The following CSMD1 variants were observed in gnomAD, a reference collection of about 807,000 sequenced individuals.
CSMD1 encodes CUB and Sushi multiple domains 1.
Under a neutral mutation model 417.5 loss-of-function variants are expected in CSMD1, and 213 were observed. The observed-to-expected ratio is 0.51, with a 90% CI of 0.46 to 0.57. The LOEUF (loss-of-function observed/expected upper bound fraction) is 0.57, where lower values mean the gene tolerates loss of function less well. Among genes scored for constraint, CSMD1 ranks in the 20% least tolerant of loss-of-function variants. The probability of loss-of-function intolerance (pLI) is 0.00; values close to 1 mark genes in which losing one functional copy is unlikely to be tolerated. For missense variants in CSMD1, 6,923 were observed against 4,529.7 expected (o/e 1.53, Z -15.17); for synonymous variants, 2,862 against 1,736.8 (o/e 1.65, Z -16.11).
chr8:3,502,870 G>A (rs1170436412), intron 10 of CSMD1, among the ~76,000 whole-genome samples: 1 of 152,108 alleles, frequency 6.6e-6, no homozygotes, highest in African/African-American at 2.4e-5. Flanking sequence ...TGGTAATTCA[G>A]CATGAATCAA....
chr8:4,191,003 G>A (rs537034397), intron 3 of CSMD1, among the ~76,000 whole-genome samples: 1 of 152,190 alleles, frequency 6.6e-6, no homozygotes, highest in South Asian at 2.1e-4. Context: ...ACTAGACTTA[G>A]TACTTGAGTG....
At chr8:3,399,999 G>C (rs1351798782) in intron 15 of CSMD1, among the ~76,000 whole-genome samples, 6 of 152,070 alleles carry the variant, frequency 3.9e-5, no homozygotes, top group Non-Finnish European at 5.9e-5. Context: ...AAAATAAATA[G>C]CCACATGCAA....
At position 4,633,338 on chromosome 8, in the gene CSMD1, C is replaced by T. The variant is rs144125255; in HGVS notation, c.302+4004G>A. 3.6e-3 allele frequency among the ~76,000 whole-genome samples: 546 copies of T among 151,986 alleles called. 1 individual carries two copies. The highest frequency in any genetic ancestry group is 6.6e-3 in the Non-Finnish European group (447 of 67,966). On this transcript the variant is annotated intron_variant, in intron 2 of 69. Coordinates refer to ENST00000635120, the MANE Select transcript of CSMD1 (RefSeq NM_033225.6). The stretch of plus-strand genomic sequence containing the variant: ...CTCGGCTCACTGAAAGCTCCGCCTC[C>T]CCAGTTCACACCAGTCTCCTGCCTC...
At chr8:3,726,929 T>C (rs1391367374) in intron 6 of CSMD1, among the ~76,000 whole-genome samples, 2 of 152,204 alleles carry the variant, frequency 1.3e-5, no homozygotes, top group Non-Finnish European at 2.9e-5. Flanking sequence ...ACAGATAACC[T>C]AACAATTAAT....
chr8:3,433,576 A>G (rs1257831504), intron 12 of CSMD1, among the ~76,000 whole-genome samples: 1 of 152,280 alleles, frequency 6.6e-6, no homozygotes, highest in South Asian at 2.1e-4. Context: ...CATTAAAGCC[A>G]TGCACACGTG....
intron 2 of CSMD1, among the ~76,000 whole-genome samples, chr8:4,600,202 A>G (rs1015334800): frequency 7.3e-6 from 1 of 137,188 alleles, no homozygotes; most frequent in Non-Finnish European, 1.6e-5. Flanking sequence ...ATACATTTCC[A>G]TATCTGGCCA....
Position 3,157,929 on chromosome 8 carries a change from C to G in CSMD1, c.5882G>C (p.Arg1961Pro). 3 of 1,554,870 alleles carry G rather than the reference C, an allele frequency of 1.9e-6. No homozygotes were observed. Among genetic ancestry groups the G allele is most frequent in the Non-Finnish European group, 2.6e-6 (3 of 1,148,834 alleles). ...SHISCMPGTVRRWNYPSPLCI... is the reference protein window; with the variant it reads ...SHISCMPGTVPRWNYPSPLCI... ...CAGGGGAGACGGATAGTTCCAACGG[C>G]GAACGGTCCCTGGCATACAGGAAAT... is the stretch of plus-strand genomic sequence containing the variant. The change falls in exon 39 of 70, where the codon CGC becomes CCC. Residue 1961 changes from arginine (R) to proline (P), a missense_variant. Coordinates refer to ENST00000635120, the MANE Select transcript of CSMD1 (RefSeq NM_033225.6).
rs145250434 is a variant in CSMD1 at position 4,922,462 on chromosome 8, T to A, written c.85+71870A>T. Among the ~76,000 whole-genome samples, 620 of 152,334 alleles carry A rather than the reference T, an allele frequency of 4.1e-3. 1 individual carries two copies. The highest frequency in any genetic ancestry group is 7.7e-3 in the Admixed American group (118 of 15,296). On this transcript the variant is annotated intron_variant, in intron 1 of 69. Transcript: ENST00000635120. ...TTAGCAATAAGAACTTCTAATAACT[T>A]GATATTATCACTTTTATGTATTCTT...
intron 6 of CSMD1, among the ~76,000 whole-genome samples, chr8:3,746,965 C>G (rs1012882734): frequency 6.6e-6 from 1 of 152,210 alleles, no homozygotes; most frequent in African/African-American, 2.4e-5. Context: ...AGAAATAAAG[C>G]TGTGACTAAA....
chr8:4,644,456 G>C (rs547220295), intron 1 of CSMD1, among the ~76,000 whole-genome samples: 5 of 152,198 alleles, frequency 3.3e-5, no homozygotes, highest in South Asian at 4.2e-4. Flanking sequence ...CACCAGGCTA[G>C]AGTGCAGCGG....
intron 1 of CSMD1, among the ~76,000 whole-genome samples, chr8:4,994,104 AAG>A (rs1811625861): frequency 6.6e-6 from 1 of 151,970 alleles, no homozygotes; most frequent in Non-Finnish European, 1.5e-5. Context: ...CTGTGAGCCC[AAG>A]AGAGGGGGAA....
chr8:4,436,409 G>T (rs1055200188), intron 2 of CSMD1, among the ~76,000 whole-genome samples: 3 of 152,066 alleles, frequency 2.0e-5, no homozygotes, highest in Non-Finnish European at 4.4e-5. Context: ...ATTTTTGTGT[G>T]TACAGAGTAG....
intron 25 of CSMD1, among the ~76,000 whole-genome samples, chr8:3,292,143 G>A (rs1459823095): frequency 6.6e-6 from 1 of 152,242 alleles, no homozygotes; most frequent in Non-Finnish European, 1.5e-5. Flanking sequence ...AGTGTTGAAT[G>A]AGTTTCTTTA....
chr8:3,663,160 G>A (rs1158972061), intron 7 of CSMD1, among the ~76,000 whole-genome samples: 1 of 152,120 alleles, frequency 6.6e-6, no homozygotes, highest in Non-Finnish European at 1.5e-5. Context: ...AGGTTAGGAA[G>A]AAAGGCTGGT....
At chr8:3,957,989 C>A (rs1474802391) in intron 5 of CSMD1, among the ~76,000 whole-genome samples, 1 of 152,110 alleles carries the variant, frequency 6.6e-6, no homozygotes, top group African/African-American at 2.4e-5. Flanking sequence ...TTTTTGCTTG[C>A]TTAACGTTCT....
intron 3 of CSMD1, among the ~76,000 whole-genome samples, chr8:4,219,493 T>C (rs921400485): frequency 2.6e-5 from 4 of 152,212 alleles, no homozygotes; most frequent in African/African-American, 9.6e-5. Context: ...CTTCCGTCTC[T>C]TGGGTGTTCC....
chr8:3,230,669 C>A (rs2116908516), intron 26 of CSMD1, among the ~76,000 whole-genome samples: 1 of 152,154 alleles, frequency 6.6e-6, no homozygotes, highest in South Asian at 2.1e-4. Context: ...CAAAGGTGAT[C>A]CAATAACCTT....
intron 66 of CSMD1, among the ~76,000 whole-genome samples, chr8:2,950,797 A>T (rs1017799285): frequency 6.6e-6 from 1 of 152,232 alleles, no homozygotes; most frequent in Non-Finnish European, 1.5e-5. Context: ...CATGAAGAGC[A>T]CATGAGTTAA....
intron 5 of CSMD1, among the ~76,000 whole-genome samples, chr8:3,942,144 G>T (rs142839314): frequency 0.01 from 1,589 of 152,106 alleles, 26 homozygotes; most frequent in African/African-American, 0.034. Context: ...GTCACCCCCA[G>T]ATGGGACCAT....
Sources: gnomAD v4.1 joint callset for allele counts (sites outside exome capture counted in the v4.1 genomes callset) on GRCh38, gnomAD v4.1.1 for gene constraint, MANE v1.5 for transcripts, NCBI Gene and HGNC (gene_info 2026-07-23, HGNC 2026-07-21) for gene names.